Variants in PPP1R9A observed in about 807,000 individuals in gnomAD.
The protein encoded by PPP1R9A is protein phosphatase 1 regulatory subunit 9A.
Under a neutral mutation model 141.9 loss-of-function variants are expected in PPP1R9A, and 59 were observed. The ratio of observed to expected loss-of-function variants is 0.42; its 90% CI spans 0.34 to 0.52. PPP1R9A has a LOEUF of 0.52. PPP1R9A is among the 20% of genes least tolerant of loss of function. The pLI, the probability that PPP1R9A is intolerant of heterozygous loss-of-function variation, is 0.10. For synonymous variants in PPP1R9A, 500 were observed against 569.7 expected (o/e 0.88, Z 1.74); for missense variants, 1,444 against 1,611.9 (o/e 0.90, Z 1.78).
chr7:94,938,923 G>T (rs755088980), intron 2 of PPP1R9A, among the ~76,000 whole-genome samples: 4 of 152,100 alleles, frequency 2.6e-5, no homozygotes, highest in Non-Finnish European at 5.9e-5. Flanking sequence ...ATGTGGATAC[G>T]CTATTCCTGT....
Position 95,120,718 on chromosome 7 carries a change from A to C in PPP1R9A, c.1535A>C (p.Asp512Ala). 1 of 1,611,374 alleles carries C rather than the reference A, an allele frequency of 6.2e-7. No individual in the cohort carries two copies. Residue 512 changes from aspartate (D) to alanine (A), a missense_variant, in exon 4 of 20, where the codon GAT becomes GCT. Transcript: ENST00000433360. Reference protein sequence around the residue: ...LFPVELEKDEDGLGISIIGMG... With the variant: ...LFPVELEKDEAGLGISIIGMG... ...CTTTTTTTCTTTTTAATAGATGAGGATGGTCTTGGTATAAGTATTATTGGA... is the reference window on the plus strand; with the variant it reads ...CTTTTTTTCTTTTTAATAGATGAGGCTGGTCTTGGTATAAGTATTATTGGA...
At chr7:94,989,628 A>G (rs1374344412) in intron 2 of PPP1R9A, among the ~76,000 whole-genome samples, 1 of 151,998 alleles carries the variant, frequency 6.6e-6, no homozygotes, top group African/African-American at 2.4e-5. Context: ...TCTCATTCCC[A>G]ATTTCCTTAC....
rs556649835 is a variant in PPP1R9A, at chr7:95,263,969, G to C, written c.2666-4581G>C. Among the ~76,000 whole-genome samples the C allele has an allele frequency of 3.8e-4, 58 of 152,094 alleles. 1 individual carries two copies. In the South Asian group the frequency reaches 0.011, roughly 28 times the overall value. ...TACAGTTATTATGTTTTGTTATCAT[G>C]ACTGTTTTGCAATTGAGGATCCTGA... On this transcript the variant is annotated intron_variant, in intron 12 of 19. Transcript: ENST00000433360.
At chr7:94,915,896 G>C (rs1792013105) in intron 2 of PPP1R9A, among the ~76,000 whole-genome samples, 1 of 152,186 alleles carries the variant, frequency 6.6e-6, no homozygotes, top group Non-Finnish European at 1.5e-5. Context: ...TTTGCCTGCT[G>C]ATGAGCCATG....
chr7:95,017,814 T>C (rs997792686), intron 2 of PPP1R9A, among the ~76,000 whole-genome samples: 5 of 152,178 alleles, frequency 3.3e-5, no homozygotes, highest in Non-Finnish European at 7.3e-5. Context: ...TTTTAATAGA[T>C]GTACCTGTTC....
intron 2 of PPP1R9A, among the ~76,000 whole-genome samples, chr7:95,054,460 A>G (rs12055998): frequency 0.067 from 10,128 of 151,986 alleles, 424 homozygotes; most frequent in African/African-American, 0.12. Flanking sequence ...ATTACCGTAC[A>G]TTGTCTGGAA....
intron 5 of PPP1R9A, among the ~76,000 whole-genome samples, chr7:95,178,524 T>A (rs569227233): frequency 2.0e-5 from 3 of 150,480 alleles, no homozygotes; most frequent in Admixed American, 2.0e-4. Flanking sequence ...AGAAGGGAAA[T>A]AACCAAGATC....
chr7:94,975,233 C>G (rs1054796671), intron 2 of PPP1R9A, among the ~76,000 whole-genome samples: 1 of 151,878 alleles, frequency 6.6e-6, no homozygotes, highest in African/African-American at 2.4e-5. Context: ...GAAGTTTACT[C>G]TAGTTTATTC....
At chr7:95,032,415 T>A (rs576225110) in intron 2 of PPP1R9A, among the ~76,000 whole-genome samples, 1 of 152,262 alleles carries the variant, frequency 6.6e-6, no homozygotes, top group South Asian at 2.1e-4. Flanking sequence ...AGCTCACTAT[T>A]CAGGAAGATT....
At chr7:94,996,461 G>A (rs532986123) in intron 2 of PPP1R9A, among the ~76,000 whole-genome samples, 1 of 152,252 alleles carries the variant, frequency 6.6e-6, no homozygotes, top group East Asian at 1.9e-4. Flanking sequence ...TCCTACAGAT[G>A]AGTTAAGATT....
rs1446269293 is a variant in PPP1R9A at position 95,290,502 on chromosome 7, A to G, written c.*199A>G. 2 of 593,240 alleles carry G rather than the reference A, an allele frequency of 3.4e-6. No individual in the cohort carries two copies. Among genetic ancestry groups the G allele is most frequent in the Middle Eastern group, 4.6e-4 (1 of 2,184 alleles). 36.7% of individuals were successfully genotyped at this position (593,240 alleles called of 1,614,324 possible). On this transcript the variant is annotated 3_prime_UTR_variant, in exon 20 of 20. Coordinates refer to ENST00000433360, the MANE Select transcript of PPP1R9A (RefSeq NM_001166160.2). ...AATTTTAACTACTAAAATAATCCCA[A>G]GCCACCTTTGGTTCATTAACAAACC...
intron 2 of PPP1R9A, among the ~76,000 whole-genome samples, chr7:94,911,787 G>A (rs529100059): frequency 6.6e-6 from 1 of 152,314 alleles, no homozygotes; most frequent in South Asian, 2.1e-4. Context: ...ATGAACTGGA[G>A]TATGAGTATT....
At chr7:95,105,624 T>C (rs999626066) in intron 2 of PPP1R9A, among the ~76,000 whole-genome samples, 5 of 152,254 alleles carry the variant, frequency 3.3e-5, no homozygotes, top group Admixed American at 3.3e-4. Flanking sequence ...TGTTGGCCTT[T>C]AGAGTTTTTT....
rs992642609 is a variant in PPP1R9A at position 95,051,181 on chromosome 7, C to CT, written c.1396-60068dup. Among the ~76,000 whole-genome samples, 36 of 147,582 alleles carry CT rather than the reference C, an allele frequency of 2.4e-4. No homozygotes were observed. The South Asian group carries it at 3.2e-3, about 13-fold the overall frequency. ...TCTTGGTTCTTTTTTTTTATTGATT[C>CT]TTTTTTTTTTCTTTCGAATAGGGAT... On this transcript the variant is annotated intron_variant, in intron 2 of 19. Coordinates refer to ENST00000433360, the MANE Select transcript of PPP1R9A (RefSeq NM_001166160.2).
At chr7:95,288,375 G>C (rs1431401658) in intron 18 of PPP1R9A, among the ~76,000 whole-genome samples, 161 bp from the exon 19 acceptor site, 1 of 151,984 alleles carries the variant, frequency 6.6e-6, no homozygotes, top group Non-Finnish European at 1.5e-5. Flanking sequence ...AAACATATAG[G>C]TAATAAGTAT....
intron 2 of PPP1R9A, among the ~76,000 whole-genome samples, chr7:95,019,387 AAAAT>A (rs548796200): frequency 1.3e-5 from 2 of 152,328 alleles, no homozygotes; most frequent in East Asian, 1.9e-4. Flanking sequence ...AGTCTCAATT[AAAAT>A]AAATAAATAA....
intron 2 of PPP1R9A, among the ~76,000 whole-genome samples, chr7:95,047,662 A>G (rs1237472849): frequency 6.6e-6 from 1 of 152,162 alleles, no homozygotes; most frequent in Non-Finnish European, 1.5e-5. Flanking sequence ...AGATTATTTT[A>G]ATGGCCTTAA....
intron 8 of PPP1R9A, among the ~76,000 whole-genome samples, chr7:95,235,499 TAATCAAAA>T (rs1796558626): frequency 6.6e-6 from 1 of 152,126 alleles, no homozygotes; most frequent in Admixed American, 6.6e-5. Context: ...AGAATGGCCA[TAATCAAAA>T]AATCAAAAAA....
chr7:95,111,693 C>T (rs1820601040), intron 3 of PPP1R9A, among the ~76,000 whole-genome samples: 1 of 152,000 alleles, frequency 6.6e-6, no homozygotes, highest in African/African-American at 2.4e-5. Context: ...AGCTGAGAGC[C>T]CAGAAAGAGC....
Sources: allele counts gnomAD v4.1 joint callset (sites outside exome capture counted in the v4.1 genomes callset), GRCh38; gene constraint gnomAD v4.1.1; transcripts MANE v1.5; gene names NCBI Gene and HGNC (gene_info 2026-07-23, HGNC 2026-07-21).